RORA: variants seen among roughly 807,000 people sequenced by gnomAD.
RORA encodes nuclear receptor ROR-alpha.
In RORA, 7 loss-of-function variants were observed where a neutral mutation model predicts 69.5. The observed-to-expected ratio is 0.10, with a 90% CI of 0.06 to 0.19. RORA has a LOEUF of 0.19. Ranked by LOEUF, RORA falls within the 10% of genes least tolerant of loss-of-function variation. RORA has a pLI of 1.00. For synonymous variants in RORA, 261 were observed against 240.8 expected, an observed-to-expected ratio of 1.08 and a Z score of -0.78; for missense variants, 457 against 663.0, an observed-to-expected ratio of 0.69 and a Z score of 3.41.
chr15:60,693,995 C>G (rs2070867067), intron 1 of RORA, among the ~76,000 whole-genome samples: 1 of 152,046 alleles, frequency 6.6e-6, no homozygotes, highest in Non-Finnish European at 1.5e-5. Context: ...CAAGACCATC[C>G]TAAGCAAAAA....
intron 1 of RORA, among the ~76,000 whole-genome samples, chr15:61,156,321 T>G (rs372585080): frequency 6.6e-6 from 1 of 152,186 alleles, no homozygotes; most frequent in Non-Finnish European, 1.5e-5. Context: ...AATGGTCCAA[T>G]AGTGTGGAAA....
intron 2 of RORA, among the ~76,000 whole-genome samples, chr15:60,596,776 G>C (rs1383418292): frequency 6.6e-6 from 1 of 152,174 alleles, no homozygotes. Flanking sequence ...AATGAATATA[G>C]ATGTAGATTG....
intron 1 of RORA, among the ~76,000 whole-genome samples, chr15:60,972,520 TGA>T (rs1428699930): frequency 1.3e-5 from 2 of 152,168 alleles, no homozygotes; most frequent in Non-Finnish European, 2.9e-5. Flanking sequence ...TGAGTATGGC[TGA>T]GTGTTCGTTA....
intron 2 of RORA, among the ~76,000 whole-genome samples, chr15:60,613,401 A>T (rs1237463506): frequency 2.0e-5 from 3 of 152,150 alleles, no homozygotes; most frequent in Non-Finnish European, 4.4e-5. Flanking sequence ...GCCCGGTGAC[A>T]AATTAAAAAG....
intron 2 of RORA, among the ~76,000 whole-genome samples, chr15:60,673,601 C>T (rs1191585086): frequency 2.6e-5 from 4 of 152,282 alleles, no homozygotes; most frequent in African/African-American, 4.8e-5. Flanking sequence ...TGAGAATCCT[C>T]GATGTTTTCT....
At chr15:60,853,066 GAGCC>G (rs1252372699) in intron 1 of RORA, among the ~76,000 whole-genome samples, 4 of 152,122 alleles carry the variant, frequency 2.6e-5, no homozygotes, top group African/African-American at 9.7e-5. Flanking sequence ...TTTATAACGA[GAGCC>G]AGCCAGACAC....
At chr15:60,631,907 A>G (rs1396585046) in intron 2 of RORA, among the ~76,000 whole-genome samples, 1 of 152,212 alleles carries the variant, frequency 6.6e-6, no homozygotes, top group Non-Finnish European at 1.5e-5. Context: ...CAACTCCTTT[A>G]CAAGGTAAGC....
chr15:60,886,891 T>C (rs909883723), intron 1 of RORA, among the ~76,000 whole-genome samples: 1 of 152,158 alleles, frequency 6.6e-6, no homozygotes, highest in African/African-American at 2.4e-5. Context: ...ACTGAGAACT[T>C]TGAAATCCCT....
At chr15:60,789,684 A>G (rs982012152) in intron 1 of RORA, among the ~76,000 whole-genome samples, 1 of 152,244 alleles carries the variant, frequency 6.6e-6, no homozygotes, top group Non-Finnish European at 1.5e-5. Context: ...TAACTTTTGC[A>G]AATATTACAG....
At position 60,562,106 on chromosome 15, in the gene RORA, C is replaced by G. The variant is rs114803861; in HGVS notation, c.197-30255G>C. ...TTACAGGCGCCTGCCACCACCACATCCGGCTAATTTTGTATTTTTAGTTTC... is the reference window on the plus strand; with the variant it reads ...TTACAGGCGCCTGCCACCACCACATGCGGCTAATTTTGTATTTTTAGTTTC... On this transcript the variant is annotated intron_variant, in intron 2 of 10. Transcript: ENST00000335670. 6.5e-3 allele frequency among the ~76,000 whole-genome samples: 981 copies of G among 151,790 alleles called. 10 individuals are homozygous for G. Among genetic ancestry groups the G allele is most frequent in the African/African-American group, 0.023 (939 of 41,392 alleles).
intron 1 of RORA, among the ~76,000 whole-genome samples, chr15:61,182,370 A>G (rs1226232194): frequency 1.3e-5 from 2 of 152,256 alleles, no homozygotes; most frequent in African/African-American, 4.8e-5. Context: ...AAAGTAGTGC[A>G]GATACTCTTT....
intron 1 of RORA, among the ~76,000 whole-genome samples, chr15:61,081,673 T>C (rs947830960): frequency 6.6e-6 from 1 of 151,864 alleles, no homozygotes; most frequent in Non-Finnish European, 1.5e-5. Context: ...CCGGGTGTGG[T>C]GGCGGGCGCC....
At chr15:60,693,205 A>T (rs1014732429) in intron 1 of RORA, among the ~76,000 whole-genome samples, 4 of 152,344 alleles carry the variant, frequency 2.6e-5, no homozygotes, top group African/African-American at 9.6e-5. Context: ...AAACCACATG[A>T]TTATCTCAGC....
intron 1 of RORA, among the ~76,000 whole-genome samples, chr15:61,067,686 G>C (rs2078283091): frequency 6.6e-6 from 1 of 152,118 alleles, no homozygotes; most frequent in Non-Finnish European, 1.5e-5. Context: ...TTAAACACTG[G>C]TGTTCTCATC....
chr15:60,650,871 T>C (rs913421671), intron 2 of RORA, among the ~76,000 whole-genome samples: 3 of 152,224 alleles, frequency 2.0e-5, no homozygotes, highest in African/African-American at 7.2e-5. Flanking sequence ...TTTTGGTTGG[T>C]ATTTTTAATC....
intron 1 of RORA, among the ~76,000 whole-genome samples, chr15:61,002,134 C>T (rs1359094470): frequency 6.6e-6 from 1 of 152,232 alleles, no homozygotes; most frequent in African/African-American, 2.4e-5. Flanking sequence ...ACCATGTCCA[C>T]ATGACATTAG....
intron 1 of RORA, among the ~76,000 whole-genome samples, chr15:61,117,530 C>T (rs2140804017): frequency 6.6e-6 from 1 of 152,284 alleles, no homozygotes; most frequent in East Asian, 1.9e-4. Flanking sequence ...AATATTCGGC[C>T]TTTTCTCATT....
intron 1 of RORA, among the ~76,000 whole-genome samples, chr15:60,886,292 C>G (rs1312129839): frequency 2.0e-5 from 3 of 152,098 alleles, no homozygotes; most frequent in Admixed American, 2.0e-4. Context: ...AAGGTTCTAA[C>G]TCGGGATTTC....
intron 1 of RORA, among the ~76,000 whole-genome samples, chr15:60,687,084 T>C (rs1372532658): frequency 6.6e-6 from 1 of 152,142 alleles, no homozygotes; most frequent in African/African-American, 2.4e-5. Flanking sequence ...AAAAACCCCA[T>C]GCATTCACTC....
Sources: gnomAD v4.1 joint callset for allele counts (sites outside exome capture counted in the v4.1 genomes callset) on GRCh38, gnomAD v4.1.1 for gene constraint, MANE v1.5 for transcripts, NCBI Gene and HGNC (gene_info 2026-07-23, HGNC 2026-07-21) for gene names.